Variants in STAU2 observed in about 807,000 individuals in gnomAD.
STAU2 encodes the protein double-stranded RNA-binding protein Staufen homolog 2.
STAU2 carries 20 observed loss-of-function variants against 65.9 expected under a neutral mutation model. That is an observed-to-expected ratio of 0.30 (90% CI 0.21 to 0.44). The LOEUF is 0.44. Among genes scored for constraint, STAU2 ranks in the 20% least tolerant of loss-of-function variants. STAU2 has a pLI of 1.00. For missense variants in STAU2, 558 were observed against 683.9 expected, an observed-to-expected ratio of 0.82 and a Z score of 2.05; for synonymous variants, 232 against 233.9, an observed-to-expected ratio of 0.99 and a Z score of 0.07.
intron 6 of STAU2, chr8:73,651,403 G>A (rs80277270): frequency 0.014 from 9,489 of 664,936 alleles, 455 homozygotes; most frequent in African/African-American, 0.12. Flanking sequence ...TGCAGCTGTC[G>A]GAGGTCCAGA....
chr8:73,493,111 T>C (rs1231317470), intron 13 of STAU2, among the ~76,000 whole-genome samples: 1 of 151,842 alleles, frequency 6.6e-6, no homozygotes, highest in African/African-American at 2.4e-5. Flanking sequence ...AACTTCTTCC[T>C]AACATCACAC....
At chr8:73,480,842 G>A (rs946392774) in intron 13 of STAU2, among the ~76,000 whole-genome samples, 17 of 152,226 alleles carry the variant, frequency 1.1e-4, no homozygotes, top group Admixed American at 3.3e-4. Context: ...AACAAAGAAT[G>A]AAGCATACTA....
Position 73,662,728 on chromosome 8 carries a change from T to C in STAU2, c.410+10379A>G, listed in dbSNP as rs189399074. ...GCCTCCCGGGTTCAAGCAATTCTCC[T>C]GCCTCAGCCTCCTGAGTAGCTGGGG... On this transcript the variant is annotated intron_variant, in intron 6 of 14. Coordinates refer to ENST00000524300, the MANE Select transcript of STAU2 (RefSeq NM_001164380.2). Among the ~76,000 whole-genome samples the C allele has an allele frequency of 6.0e-3, 918 of 152,260 alleles. 12 individuals carry two copies. Among genetic ancestry groups the C allele is most frequent in the African/African-American group, 0.019 (809 of 41,542 alleles).
At position 73,603,866 on chromosome 8, in the gene STAU2, A is replaced by G; in HGVS notation, c.892-3T>C. The G allele has an allele frequency of 6.3e-7, 1 of 1,576,894 alleles. No individual in the cohort carries two copies. The highest frequency in any genetic ancestry group is 1.4e-5 in the African/African-American group (1 of 72,670). On this transcript the variant is annotated splice_polypyrimidine_tract_variant and splice_region_variant and intron_variant, in intron 9 of 14. Transcript: ENST00000524300. The stretch of plus-strand genomic sequence containing the variant: ...CCTTGGCCATATTCTGGTCCGGCCT[A>G]AAAATTAATTTAAGAAAAAGTTTTA...
At chr8:73,525,494 T>C (rs76168720) in intron 13 of STAU2, among the ~76,000 whole-genome samples, 21,492 of 152,214 alleles carry the variant, frequency 0.14, 2,126 homozygotes, top group East Asian at 0.46. Context: ...TTTGAGTACC[T>C]TGGCATAGGA....
At chr8:73,431,686 T>C (rs1249407619) in intron 13 of STAU2, among the ~76,000 whole-genome samples, 1 of 152,208 alleles carries the variant, frequency 6.6e-6, no homozygotes, top group African/African-American at 2.4e-5. Context: ...GTTATAGCAA[T>C]GGAGAAACAT....
intron 6 of STAU2, chr8:73,651,145 C>T (rs1233621306): frequency 9.4e-6 from 12 of 1,278,704 alleles, no homozygotes; most frequent in Non-Finnish European, 1.3e-5. Context: ...CCTGGGGAGC[C>T]TCCCTGGCCC....
intron 13 of STAU2, among the ~76,000 whole-genome samples, chr8:73,444,802 G>A (rs1274243051): frequency 1.3e-5 from 2 of 152,110 alleles, no homozygotes; most frequent in African/African-American, 4.8e-5. Flanking sequence ...TTTTAATATT[G>A]CCAAGAAATA....
In STAU2 at chr8:73,556,548, G is replaced by A. The variant is rs771576523; in HGVS notation, c.1223-4229C>T. Reference sequence around the variant, plus strand: ...CGAAGCTGGCAAATCACGAGGTCAGGAGTTCGAGACCAGCCTGGCCAACAT... The same window carrying A: ...CGAAGCTGGCAAATCACGAGGTCAGAAGTTCGAGACCAGCCTGGCCAACAT... On this transcript the variant is annotated intron_variant, in intron 12 of 14. Transcript: ENST00000524300. Among the ~76,000 whole-genome samples the A allele has an allele frequency of 2.2e-4, 33 of 152,290 alleles. 1 individual carries two copies. The highest frequency in any genetic ancestry group is 4.0e-4 in the Non-Finnish European group (27 of 68,018).
rs1188138052 is a variant in STAU2 at position 73,617,385 on chromosome 8, C to T, written c.477G>A (p.Gly159=). The T allele has an allele frequency of 7.4e-6, 12 of 1,613,938 alleles. No homozygotes were observed. Among genetic ancestry groups the T allele is most frequent in the Non-Finnish European group, 1.0e-5 (12 of 1,179,978 alleles). Residue 159 remains glycine, a synonymous_variant, in exon 7 of 15, where the codon GGG becomes GGA. Transcript: ENST00000524300. ...QLTVGNNEFF[G]EGKTRQAARH... is the part of the protein sequence containing the mutation. ...TAGCAGCTTGTCGAGTCTTTCCTTCCCCAAAAAATTCATTATTTCCTACAG... is the reference window on the plus strand; with the variant it reads ...TAGCAGCTTGTCGAGTCTTTCCTTCTCCAAAAAATTCATTATTTCCTACAG...
At chr8:73,521,451 T>C (rs535701585) in intron 13 of STAU2, among the ~76,000 whole-genome samples, 2 of 152,360 alleles carry the variant, frequency 1.3e-5, no homozygotes, top group South Asian at 2.1e-4. Context: ...CTAGCACATA[T>C]GTATATGTAT....
chr8:73,605,599 G>A (rs923278907), intron 9 of STAU2, among the ~76,000 whole-genome samples: 15 of 151,608 alleles, frequency 9.9e-5, no homozygotes, highest in Non-Finnish European at 1.6e-4. Flanking sequence ...ATGAGCCACC[G>A]CACCTGGCCC....
At chr8:73,650,843 G>A (rs909319415) in intron 6 of STAU2, among the ~76,000 whole-genome samples, 1 of 152,148 alleles carries the variant, frequency 6.6e-6, no homozygotes, top group African/African-American at 2.4e-5. Context: ...TTCCCAAGAA[G>A]AGACTCTGAA....
chr8:73,670,917 A>G (rs914172717), intron 6 of STAU2, among the ~76,000 whole-genome samples: 1 of 152,168 alleles, frequency 6.6e-6, no homozygotes, highest in Non-Finnish European at 1.5e-5. Flanking sequence ...GGATATTAAA[A>G]ACAAATACAC....
At chr8:73,455,604 GTGCCTC>G (rs1819020506) in intron 13 of STAU2, among the ~76,000 whole-genome samples, 1 of 152,118 alleles carries the variant, frequency 6.6e-6, no homozygotes, top group Admixed American at 6.5e-5. Context: ...GGGGTGCTCT[GTGCCTC>G]TGCTGAGGTT....
chr8:73,494,316 G>C (rs889889975), intron 13 of STAU2, among the ~76,000 whole-genome samples: 1 of 151,514 alleles, frequency 6.6e-6, no homozygotes, highest in Non-Finnish European at 1.5e-5. Context: ...AGAGAGATGA[G>C]GTGAACAAAT....
In STAU2 at chr8:73,660,166, C is replaced by T. The variant is rs191186093; in HGVS notation, c.410+12941G>A. Among the ~76,000 whole-genome samples the T allele has an allele frequency of 1.6e-4, 24 of 152,174 alleles. No homozygotes were observed. In the East Asian group the frequency reaches 4.1e-3, roughly 26 times the overall value. On this transcript the variant is annotated intron_variant, in intron 6 of 14. Transcript: ENST00000524300. ...TATGAAAAATGTTAAACTTGTGTGACATATCCTGTAATCCCAGCACTTTGG... is the reference window on the plus strand; with the variant it reads ...TATGAAAAATGTTAAACTTGTGTGATATATCCTGTAATCCCAGCACTTTGG...
At chr8:73,508,187 GC>G (rs1822176824) in intron 13 of STAU2, among the ~76,000 whole-genome samples, 1 of 152,186 alleles carries the variant, frequency 6.6e-6, no homozygotes, top group Admixed American at 6.5e-5. Flanking sequence ...AAGAGGCCTA[GC>G]TTTTGGCCCC....
intron 6 of STAU2, among the ~76,000 whole-genome samples, chr8:73,672,756 A>G (rs1001624920): frequency 2.6e-5 from 4 of 152,126 alleles, no homozygotes; most frequent in African/African-American, 9.7e-5. Flanking sequence ...AAAAAAACTG[A>G]GCTCTGCTTG....
Sources: gnomAD v4.1 joint callset for allele counts (sites outside exome capture counted in the v4.1 genomes callset) on GRCh38, gnomAD v4.1.1 for gene constraint, MANE v1.5 for transcripts, NCBI Gene and HGNC (gene_info 2026-07-23, HGNC 2026-07-21) for gene names.